Variants in DIAPH3 observed in about 807,000 individuals in gnomAD.
DIAPH3 encodes diaphanous related formin 3, also known as protein diaphanous homolog 3.
A neutral mutation model predicts 144.3 loss-of-function variants in DIAPH3; 117 were observed. That is an observed-to-expected ratio of 0.81 (90% confidence interval 0.70 to 0.95). DIAPH3 has a LOEUF of 0.95. DIAPH3 is among the 40% of genes least tolerant of loss of function. DIAPH3 has a pLI of 0.00. For synonymous variants in DIAPH3, 519 were observed against 488.9 expected (o/e 1.06, Z -0.81); for missense variants, 1,421 against 1,412.7 (o/e 1.01, Z -0.09).
intron 11 of DIAPH3, 147 bp from the exon 12 acceptor site, chr13:59,991,421 G>T: frequency 3.0e-6 from 2 of 661,662 alleles, no homozygotes; most frequent in Non-Finnish European, 5.3e-6. Context: ...TAGGATTGAG[G>T]GTAGTGGAAA....
rs559281327 is a variant in DIAPH3 at position 60,014,021 on chromosome 13, T to C, written c.771+1892A>G. Among the ~76,000 whole-genome samples, 15 of 152,220 alleles carry C rather than the reference T, an allele frequency of 9.9e-5. No individual in the cohort carries two copies. In the South Asian group the frequency reaches 2.5e-3, roughly 25 times the overall value. ...CAACAAAAATCTCTTAAGAGAAAAA[T>C]AGTATATTAATTAGAAAATAAAGTT... is the stretch of plus-strand genomic sequence containing the variant. On this transcript the variant is annotated intron_variant, in intron 7 of 27. Coordinates refer to ENST00000400324, the MANE Select transcript of DIAPH3 (RefSeq NM_001042517.2).
intron 27 of DIAPH3, among the ~76,000 whole-genome samples, chr13:59,735,812 C>T (rs550051828): frequency 1.6e-4 from 25 of 152,088 alleles, no homozygotes; most frequent in Non-Finnish European, 3.5e-4. Flanking sequence ...TTCAGGGGTA[C>T]ATGTGCAGGA....
intron 4 of DIAPH3, among the ~76,000 whole-genome samples, chr13:60,072,025 C>T (rs1204712867): frequency 6.6e-6 from 1 of 152,114 alleles, no homozygotes; most frequent in Non-Finnish European, 1.5e-5. Flanking sequence ...GTGTGGGGCA[C>T]ATTCGCCAAC....
chr13:60,103,205 C>T (rs1379929007), intron 3 of DIAPH3, among the ~76,000 whole-genome samples: 4 of 151,850 alleles, frequency 2.6e-5, no homozygotes, highest in African/African-American at 7.3e-5. Context: ...ACATGCAACT[C>T]GTTGGAGCAC....
intron 24 of DIAPH3, among the ~76,000 whole-genome samples, chr13:59,823,634 T>G (rs1270791307): frequency 6.6e-6 from 1 of 152,164 alleles, no homozygotes; most frequent in East Asian, 1.9e-4. Flanking sequence ...CTAACACATA[T>G]AATGAGTCAA....
At chr13:59,875,326 G>C (rs889257596) in intron 21 of DIAPH3, among the ~76,000 whole-genome samples, 1 of 152,018 alleles carries the variant, frequency 6.6e-6, no homozygotes, top group Non-Finnish European at 1.5e-5. Context: ...ATTTCTGCAA[G>C]GTTTATCCTT....
intron 27 of DIAPH3, among the ~76,000 whole-genome samples, chr13:59,747,434 A>G (rs1386673967): frequency 6.6e-6 from 1 of 152,204 alleles, no homozygotes; most frequent in Admixed American, 6.5e-5. Context: ...AGGTGAATGG[A>G]TCATCATGAG....
chr13:59,873,752 C>T (rs536947523), intron 21 of DIAPH3, among the ~76,000 whole-genome samples: 21 of 150,904 alleles, frequency 1.4e-4, no homozygotes, highest in Middle Eastern at 3.4e-3. Context: ...CTGCAACCTC[C>T]GCCTCCCGGG....
intron 4 of DIAPH3, among the ~76,000 whole-genome samples, chr13:60,057,519 A>G (rs531078527): frequency 1.3e-5 from 2 of 152,156 alleles, no homozygotes; most frequent in South Asian, 4.1e-4. Context: ...TAACAATCCC[A>G]TTCTTCACAG....
At chr13:60,065,795 G>A (rs1594563102) in intron 4 of DIAPH3, among the ~76,000 whole-genome samples, 1 of 152,110 alleles carries the variant, frequency 6.6e-6, no homozygotes, top group East Asian at 1.9e-4. Context: ...TCACAGCTTT[G>A]AGCAACAAAA....
At chr13:59,966,655 T>A (rs1371616451) in intron 17 of DIAPH3, among the ~76,000 whole-genome samples, 2 of 152,164 alleles carry the variant, frequency 1.3e-5, no homozygotes, top group Admixed American at 1.3e-4. Context: ...AAATAAAGTC[T>A]ACATGACAGA....
At chr13:59,670,516 A>G (rs1178804668) in intron 27 of DIAPH3, among the ~76,000 whole-genome samples, 1 of 151,802 alleles carries the variant, frequency 6.6e-6, no homozygotes, top group Non-Finnish European at 1.5e-5. Context: ...GCTGGACAGG[A>G]GGAGTTGCCT....
At chr13:59,859,603 A>G in intron 22 of DIAPH3, among the ~76,000 whole-genome samples, 1 of 152,158 alleles carries the variant, frequency 6.6e-6, no homozygotes, top group East Asian at 1.9e-4. Flanking sequence ...CTTTGTACCT[A>G]CCATGTTTTC....
intron 3 of DIAPH3, among the ~76,000 whole-genome samples, chr13:60,107,660 T>G (rs1594685544): frequency 6.6e-6 from 1 of 152,180 alleles, no homozygotes; most frequent in African/African-American, 2.4e-5. Flanking sequence ...GACGATGGCA[T>G]TTTATAAATG....
intron 25 of DIAPH3, among the ~76,000 whole-genome samples, chr13:59,809,538 A>T (rs1350017973): frequency 2.6e-5 from 4 of 151,998 alleles, no homozygotes; most frequent in Admixed American, 2.0e-4. Flanking sequence ...CAAACACCAG[A>T]ATCTTCTGTA....
intron 27 of DIAPH3, among the ~76,000 whole-genome samples, chr13:59,706,306 C>T (rs984848066): frequency 1.3e-5 from 2 of 152,132 alleles, no homozygotes; most frequent in East Asian, 1.9e-4. Flanking sequence ...TGGATACAGA[C>T]GGTCAACTGC....
At chr13:60,111,395 C>A (rs1410095745) in intron 3 of DIAPH3, among the ~76,000 whole-genome samples, 1 of 152,182 alleles carries the variant, frequency 6.6e-6, no homozygotes, top group Non-Finnish European at 1.5e-5. Flanking sequence ...CAGTAGAGCA[C>A]AGTGACTGTC....
intron 13 of DIAPH3, among the ~76,000 whole-genome samples, chr13:59,981,161 A>G (rs2050985048): frequency 6.6e-6 from 1 of 151,322 alleles, no homozygotes; most frequent in Non-Finnish European, 1.5e-5. Flanking sequence ...ACATATTTTA[A>G]AGAAAAAAGA....
chr13:59,728,654 A>G (rs1235357563), intron 27 of DIAPH3, among the ~76,000 whole-genome samples: 1 of 152,128 alleles, frequency 6.6e-6, no homozygotes, highest in Non-Finnish European at 1.5e-5. Flanking sequence ...TGACTTATAT[A>G]TAAACATCAA....
Sources: gnomAD v4.1 joint callset for allele counts (sites outside exome capture counted in the v4.1 genomes callset) on GRCh38, gnomAD v4.1.1 for gene constraint, MANE v1.5 for transcripts, NCBI Gene and HGNC (gene_info 2026-07-23, HGNC 2026-07-21) for gene names.